The following SCFD1 variants were observed in gnomAD, a reference collection of about 807,000 sequenced individuals.
The protein encoded by SCFD1 is sec1 family domain-containing protein 1.
A neutral mutation model predicts 103.2 loss-of-function variants in SCFD1; 37 were observed. The observed-to-expected ratio is 0.36, with a 90% CI of 0.28 to 0.47. The LOEUF (loss-of-function observed/expected upper bound fraction) is 0.47. Among genes scored for constraint, SCFD1 ranks in the 20% least tolerant of loss-of-function variants. The pLI is 1.00. For synonymous variants in SCFD1, 264 were observed against 245.0 expected, an observed-to-expected ratio of 1.08 and a Z score of -0.73; for missense variants, 639 against 761.2, an observed-to-expected ratio of 0.84 and a Z score of 1.89.
chr14:30,691,856 C>T (rs1890327588), intron 14 of SCFD1, among the ~76,000 whole-genome samples: 2 of 152,120 alleles, frequency 1.3e-5, no homozygotes, highest in African/African-American at 4.8e-5. Context: ...CCTGTACTTA[C>T]ATAAGTCAGT....
intron 21 of SCFD1, among the ~76,000 whole-genome samples, chr14:30,719,826 A>G (rs563668483): frequency 3.9e-5 from 6 of 152,146 alleles, no homozygotes; most frequent in African/African-American, 4.8e-5. Context: ...GAAACATTCT[A>G]TAAATAAATT....
chr14:30,733,955 G>GT (rs1277682449), intron 23 of SCFD1, among the ~76,000 whole-genome samples: 1 of 152,074 alleles, frequency 6.6e-6, no homozygotes, highest in African/African-American at 2.4e-5. Flanking sequence ...ATTAATGCCT[G>GT]TTAGCCACAA....
At chr14:30,681,869 C>T (rs1241699943) in intron 14 of SCFD1, among the ~76,000 whole-genome samples, 2 of 152,136 alleles carry the variant, frequency 1.3e-5, no homozygotes, top group African/African-American at 4.8e-5. Context: ...TAGCAACTTT[C>T]ATGAAACCCA....
At position 30,634,984 on chromosome 14, in the gene SCFD1, T is replaced by C. The variant is rs572304506; in HGVS notation, c.312+947T>C. ...TTTAGATGAGTCACCCCAAAGAAAATCTAGCAAGATTCTTTTAGCAAGGAA... is the reference window on the plus strand; with the variant it reads ...TTTAGATGAGTCACCCCAAAGAAAACCTAGCAAGATTCTTTTAGCAAGGAA... On this transcript the variant is annotated intron_variant, in intron 4 of 24. Transcript: ENST00000458591. The C allele has an allele frequency of 3.5e-4, 159 of 455,878 alleles. 1 individual carries two copies. Among genetic ancestry groups the C allele is most frequent in the African/African-American group, 3.0e-3 (152 of 50,176 alleles). The allele number at this position is 455,878 out of a possible 1,614,324, so 28.2% of individuals were successfully genotyped here. A position where few individuals can be genotyped will look rare whatever the true frequency, so the allele number is the denominator to read the frequency against.
At chr14:30,630,648 G>A (rs1426376318) in intron 3 of SCFD1, 83 bp downstream of exon 3, 1 of 841,894 alleles carries the variant, frequency 1.2e-6, no homozygotes, top group East Asian at 2.5e-5. Context: ...CAGTATTTAT[G>A]TAGTATTGAA....
intron 23 of SCFD1, among the ~76,000 whole-genome samples, chr14:30,729,665 T>C (rs1038530390): frequency 6.6e-6 from 1 of 152,208 alleles, no homozygotes; most frequent in African/African-American, 2.4e-5. Flanking sequence ...TCTGGGTCTT[T>C]TGCAATTTTT....
In SCFD1 at chr14:30,628,261, A is replaced by G; in HGVS notation, c.114A>G (p.Thr38=). The stretch of plus-strand genomic sequence containing the variant: ...ATGTGCCTCATATTAAAAACAGCAC[A>G]GGAGAACCAGTATGGAAGGTAAGAG... ...NFNVPHIKNS[T]GEPVWKVLIY... is the part of the protein sequence containing the mutation. Residue 38 remains threonine, a synonymous_variant, in exon 2 of 25, where the codon ACA becomes ACG. Transcript: ENST00000458591. 6 of 1,610,304 alleles carry G rather than the reference A, an allele frequency of 3.7e-6. No individual in the cohort carries two copies. The highest frequency in any genetic ancestry group is 5.1e-6 in the Non-Finnish European group (6 of 1,176,888).
chr14:30,721,755 C>A, intron 21 of SCFD1, 129 bp from the exon 22 acceptor site: 1 of 764,210 alleles, frequency 1.3e-6, no homozygotes, highest in Non-Finnish European at 2.2e-6. Context: ...ACCCACCCCT[C>A]TAAGAAGGTG....
chr14:30,626,336 C>G (rs28567474), intron 1 of SCFD1, among the ~76,000 whole-genome samples: 52,861 of 151,708 alleles, frequency 0.35, 9,983 homozygotes, highest in East Asian at 0.62. Flanking sequence ...ATAGCAATAA[C>G]TTAAGCGTGC....
intron 19 of SCFD1, among the ~76,000 whole-genome samples, chr14:30,709,510 G>A (rs1279216639): frequency 6.6e-6 from 1 of 152,102 alleles, no homozygotes; most frequent in African/African-American, 2.4e-5. Context: ...GGGATTACAG[G>A]TATGAGCCAC....
rs1487240502 is a variant in SCFD1, at chr14:30,659,247, TTAA to T, written c.855+5665_855+5667del. Among the ~76,000 whole-genome samples, 6 of 151,776 alleles carry T rather than the reference TTAA, an allele frequency of 4.0e-5. No homozygotes were observed. The East Asian group carries it at 9.6e-4, about 24-fold the overall frequency. On this transcript the variant is annotated intron_variant, in intron 10 of 24. Transcript: ENST00000458591. Reference sequence around the variant, plus strand: ...ATATGATGGAACATTTTACAAAGTTTTAATAATATATTTTATAATCAAATATAT... The same window carrying T: ...ATATGATGGAACATTTTACAAAGTTTTAATATATTTTATAATCAAATATAT...
intron 1 of SCFD1, among the ~76,000 whole-genome samples, chr14:30,625,791 A>G (rs1883373463): frequency 6.6e-6 from 1 of 152,078 alleles, no homozygotes; most frequent in Admixed American, 6.5e-5. Context: ...TAAGTTAGCC[A>G]AGGCTCAAAG....
intron 10 of SCFD1, among the ~76,000 whole-genome samples, chr14:30,657,185 G>A (rs771988354): frequency 2.7e-4 from 41 of 151,878 alleles, no homozygotes; most frequent in Non-Finnish European, 5.6e-4. Context: ...GAGTCCCTGG[G>A]CTCCCTCTTC....
chr14:30,709,565 T>C (rs1269331501), intron 19 of SCFD1, among the ~76,000 whole-genome samples: 1 of 152,174 alleles, frequency 6.6e-6, no homozygotes, highest in African/African-American at 2.4e-5. Context: ...TGTCAATCTC[T>C]CTCATTCTAC....
intron 3 of SCFD1, among the ~76,000 whole-genome samples, chr14:30,631,699 T>C (rs529497829): frequency 1.3e-5 from 2 of 152,346 alleles, no homozygotes; most frequent in African/African-American, 4.8e-5. Context: ...GCTTCTGATA[T>C]GTTTAATAAA....
intron 17 of SCFD1, among the ~76,000 whole-genome samples, chr14:30,704,238 C>A (rs4981768): frequency 6.6e-6 from 1 of 151,902 alleles, no homozygotes; most frequent in South Asian, 2.1e-4. Context: ...TGCAGTGATA[C>A]AATCATAGCT....
At chr14:30,677,827 C>CTTTTTTTTTT (rs58942207) in intron 14 of SCFD1, among the ~76,000 whole-genome samples, 6 of 67,516 alleles carry the variant, frequency 8.9e-5, no homozygotes, top group Non-Finnish European at 8.4e-5. Context: ...ACCTAAGCAC[C>CTTTTTTTTTT]TTTTTTTTTT....
chr14:30,700,073 A>G (rs2139333201), intron 15 of SCFD1, 115 bp from the exon 16 acceptor site: 2 of 694,706 alleles, frequency 2.9e-6, no homozygotes, highest in Non-Finnish European at 2.5e-6. Flanking sequence ...ATCAAGAGCC[A>G]TGTTTTGTTT....
At chr14:30,642,223 G>A (rs187441133) in intron 6 of SCFD1, among the ~76,000 whole-genome samples, 15 of 152,194 alleles carry the variant, frequency 9.9e-5, no homozygotes, top group African/African-American at 3.6e-4. Context: ...AAGTAGCTGG[G>A]ATTACAGGTG....
Sources: gnomAD v4.1 joint callset for allele counts (sites outside exome capture counted in the v4.1 genomes callset) on GRCh38, gnomAD v4.1.1 for gene constraint, MANE v1.5 for transcripts, NCBI Gene and HGNC (gene_info 2026-07-23, HGNC 2026-07-21) for gene names.